The following THSD7B variants were observed in gnomAD, a reference collection of about 807,000 sequenced individuals.
THSD7B encodes thrombospondin type-1 domain-containing protein 7B.
Under a neutral mutation model 213.6 loss-of-function variants are expected in THSD7B, and 138 were observed. The observed-to-expected ratio is 0.65, with a 90% CI of 0.56 to 0.74. The LOEUF (loss-of-function observed/expected upper bound fraction) is 0.74. Among genes scored for constraint, THSD7B ranks in the 30% least tolerant of loss-of-function variants. The pLI, the probability that THSD7B is intolerant of heterozygous loss-of-function variation, is 0.00. For synonymous variants in THSD7B, 742 were observed against 687.0 expected, an observed-to-expected ratio of 1.08 and a Z score of -1.25; for missense variants, 1,931 against 1,991.5, an observed-to-expected ratio of 0.97 and a Z score of 0.58.
chr2:137,176,488 T>A (rs140353398), intron 7 of THSD7B, among the ~76,000 whole-genome samples: 3 of 152,268 alleles, frequency 2.0e-5, no homozygotes, highest in African/African-American at 7.2e-5. Flanking sequence ...AATCGAAGAA[T>A]GGGAGAATAA....
At chr2:136,821,875 T>A (rs1397955689) in intron 1 of THSD7B, among the ~76,000 whole-genome samples, 2 of 152,204 alleles carry the variant, frequency 1.3e-5, no homozygotes, top group Non-Finnish European at 2.9e-5. Context: ...TTGCAAACTT[T>A]AGAAACACAG....
chr2:136,990,758 C>G (rs1685764295), intron 2 of THSD7B: 1 of 508,962 alleles, frequency 2.0e-6, no homozygotes, highest in Non-Finnish European at 3.5e-6. Context: ...TTCCCCTTCT[C>G]TAATACCTTG....
At chr2:136,916,214 A>G (rs79953257) in intron 2 of THSD7B, among the ~76,000 whole-genome samples, 2,513 of 152,264 alleles carry the variant, frequency 0.017, 34 homozygotes, top group Middle Eastern at 0.02. Flanking sequence ...AGTCATGAGA[A>G]TGTGTTGGTT....
At chr2:137,308,171 C>T (rs1018875571) in intron 12 of THSD7B, among the ~76,000 whole-genome samples, 3 of 151,958 alleles carry the variant, frequency 2.0e-5, no homozygotes, top group Admixed American at 6.6e-5. Context: ...TATGCATGTG[C>T]ACTCACACTC....
chr2:137,338,051 A>T (rs571582617), intron 12 of THSD7B, among the ~76,000 whole-genome samples: 47 of 152,266 alleles, frequency 3.1e-4, no homozygotes, highest in African/African-American at 1.1e-3. Flanking sequence ...TCTAAAGATT[A>T]GTAGGCTTGG....
At chr2:137,072,557 A>G (rs566387380) in intron 3 of THSD7B, among the ~76,000 whole-genome samples, 52 of 152,258 alleles carry the variant, frequency 3.4e-4, no homozygotes, top group Non-Finnish European at 7.2e-4. Flanking sequence ...AAATAGGGAC[A>G]ATTTGACTTC....
At chr2:136,803,964 G>T (rs936615754) in intron 1 of THSD7B, among the ~76,000 whole-genome samples, 1 of 152,196 alleles carries the variant, frequency 6.6e-6, no homozygotes, top group African/African-American at 2.4e-5. Context: ...CAATGGTGAA[G>T]CCCATCTACT....
intron 12 of THSD7B, among the ~76,000 whole-genome samples, chr2:137,300,674 G>A (rs1400600523): frequency 6.6e-6 from 1 of 152,120 alleles, no homozygotes; most frequent in East Asian, 1.9e-4. Flanking sequence ...ATGAGAGGAT[G>A]GCATTGCTGT....
chr2:136,905,931 A>G (rs1264849869), intron 2 of THSD7B, among the ~76,000 whole-genome samples: 1 of 152,192 alleles, frequency 6.6e-6, no homozygotes, highest in Non-Finnish European at 1.5e-5. Flanking sequence ...GGTGAGGAAT[A>G]CTTACAGCTA....
At chr2:137,597,427 G>A (rs770367066) in intron 17 of THSD7B, among the ~76,000 whole-genome samples, 2 of 151,228 alleles carry the variant, frequency 1.3e-5, no homozygotes, top group African/African-American at 2.4e-5. Flanking sequence ...AATCCAAGAC[G>A]GTCCAATGGG....
chr2:137,317,691 G>A (rs930003164), intron 12 of THSD7B, among the ~76,000 whole-genome samples: 1 of 152,122 alleles, frequency 6.6e-6, no homozygotes, highest in Non-Finnish European at 1.5e-5. Flanking sequence ...GAGGTGGGAG[G>A]ATCTCTTGAG....
chr2:137,366,460 A>G (rs941941766), intron 12 of THSD7B, among the ~76,000 whole-genome samples: 3 of 152,084 alleles, frequency 2.0e-5, no homozygotes, highest in Non-Finnish European at 2.9e-5. Flanking sequence ...CTTGCTTTAC[A>G]TGTGTATTCA....
chr2:136,940,234 A>G (rs1684797934), intron 2 of THSD7B, among the ~76,000 whole-genome samples: 1 of 151,964 alleles, frequency 6.6e-6, no homozygotes, highest in African/African-American at 2.4e-5. Context: ...CCATGTGTAC[A>G]CATTATTTAG....
intron 3 of THSD7B, among the ~76,000 whole-genome samples, chr2:137,061,296 A>T (rs908641090): frequency 8.0e-6 from 1 of 124,964 alleles, no homozygotes; most frequent in Non-Finnish European, 1.6e-5. Flanking sequence ...TCAGCATGTC[A>T]TCTGCAAAAA....
At chr2:136,878,466 A>G (rs567855753) in intron 1 of THSD7B, among the ~76,000 whole-genome samples, 145 of 152,260 alleles carry the variant, frequency 9.5e-4, no homozygotes, top group African/African-American at 3.5e-3. Flanking sequence ...TGGTATTTCT[A>G]GTTCTAGATC....
chr2:137,663,732 C>T lies in THSD7B; in HGVS notation c.4651+157C>T, dbSNP rs969148101. 6.6e-5 allele frequency among the ~76,000 whole-genome samples: 10 copies of T among 152,334 alleles called. No individual in the cohort carries two copies. The South Asian group carries it at 2.1e-3, about 32-fold the overall frequency. On this transcript the variant is annotated intron_variant, in intron 26 of 27. Transcript: ENST00000409968. ...CAGGGTTTCTCAGATTTGAATATTA[C>T]ATGATATATGAGTCCCTTTAAGTGT...
At chr2:137,052,630 C>T (rs544963790) in intron 2 of THSD7B, among the ~76,000 whole-genome samples, 1 of 152,174 alleles carries the variant, frequency 6.6e-6, no homozygotes, top group East Asian at 1.9e-4. Flanking sequence ...CAACTGCTTA[C>T]ATTTTTAATT....
intron 20 of THSD7B, among the ~76,000 whole-genome samples, chr2:137,641,715 G>A (rs1421826401): frequency 2.6e-5 from 4 of 152,180 alleles, no homozygotes; most frequent in African/African-American, 9.6e-5. Flanking sequence ...TGACATGGGA[G>A]CACTGCTCTT....
intron 5 of THSD7B, among the ~76,000 whole-genome samples, chr2:137,124,256 C>T (rs560965979): frequency 6.6e-6 from 1 of 152,308 alleles, no homozygotes; most frequent in Admixed American, 6.5e-5. Context: ...TTCCTCTTGG[C>T]AGTGCAATTT....
Sources: allele counts gnomAD v4.1 joint callset (sites outside exome capture counted in the v4.1 genomes callset), GRCh38; gene constraint gnomAD v4.1.1; transcripts MANE v1.5; gene names NCBI Gene and HGNC (gene_info 2026-07-23, HGNC 2026-07-21).